NXPE2: variants seen among roughly 807,000 people sequenced by gnomAD.
The protein encoded by NXPE2 is neurexophilin and PC-esterase domain family member 2, also known as NXPE family member 2.
A neutral mutation model predicts 34.4 loss-of-function variants in NXPE2; 34 were observed. The observed-to-expected ratio is 0.99, with a 90% CI of 0.75 to 1.31. The LOEUF is 1.31. NXPE2 is among the 40% of genes most tolerant of loss of function. NXPE2 has a pLI of 0.00. For synonymous variants in NXPE2, 235 were observed against 231.3 expected, an observed-to-expected ratio of 1.02 and a Z score of -0.15; for missense variants, 649 against 672.5, an observed-to-expected ratio of 0.97 and a Z score of 0.39.
At position 114,698,668 on chromosome 11, in the gene NXPE2, C is replaced by A. The variant is rs770134909; in HGVS notation, c.756C>A (p.Ala252=). ...ACATGGATGACAGAGACCAAGAAGC[C>A]TTCTACTGTGTGAGGCCTCAACATA... The part of the protein sequence containing the change: ...CQYMDDRDQE[A]FYCVRPQHMP... Residue 252 remains alanine, a synonymous_variant, in exon 3 of 6, where the codon GCC becomes GCA. Transcript: ENST00000389586. The A allele has an allele frequency of 5.0e-6, 8 of 1,614,186 alleles. No individual in the cohort carries two copies. The South Asian group carries it at 8.8e-5, about 18-fold the overall frequency.
the NXPE2 span, among the ~76,000 whole-genome samples, chr11:114,528,314 C>T: frequency 6.6e-6 from 1 of 152,142 alleles, no homozygotes; most frequent in East Asian, 1.9e-4. Flanking sequence ...AATACGACTG[C>T]CAGAGCACCC....
the NXPE2 span, chr11:114,559,799 T>G: frequency 6.6e-6 from 1 of 152,372 alleles, no homozygotes; most frequent in Non-Finnish European, 1.5e-5. Context: ...CTTACTCACC[T>G]GTTTTAATGA....
At chr11:114,722,685 G>A in the NXPE2 span, among the ~76,000 whole-genome samples, 2 of 152,278 alleles carry the variant, frequency 1.3e-5, no homozygotes, top group African/African-American at 4.8e-5. Context: ...TGCCACTAAA[G>A]AGGCCAGCAG....
the NXPE2 span, among the ~76,000 whole-genome samples, chr11:114,775,400 C>T: frequency 1.3e-5 from 2 of 152,190 alleles, no homozygotes; most frequent in Non-Finnish European, 1.5e-5. Context: ...GGCAAGAGGA[C>T]AACACCTTTT....
At chr11:114,709,709 G>A (rs1285873374), downstream of NXPE2, among the ~76,000 whole-genome samples, 2 of 152,136 alleles carry the variant, frequency 1.3e-5, no homozygotes, top group South Asian at 4.2e-4. Context: ...TTTGAGACCA[G>A]CTTGGCCAAC....
chr11:114,571,610 G>T, the NXPE2 span: 13 of 821,102 alleles, frequency 1.6e-5, no homozygotes, highest in South Asian at 1.9e-4. Flanking sequence ...TTAGATGAGG[G>T]GATGTTTTTG....
the NXPE2 span, among the ~76,000 whole-genome samples, chr11:114,619,625 C>T: frequency 3.3e-5 from 5 of 152,002 alleles, no homozygotes; most frequent in South Asian, 2.1e-4. Context: ...TGTGTTGCCT[C>T]GTGGGTAACC....
At chr11:114,703,726 CAGATAGAT>C (rs71465300) in intron 3 of NXPE2, among the ~76,000 whole-genome samples, 17 of 151,290 alleles carry the variant, frequency 1.1e-4, no homozygotes, top group Non-Finnish European at 1.6e-4. Flanking sequence ...GACAGACAGA[CAGATAGAT>C]AGATAGATGT....
the NXPE2 span, among the ~76,000 whole-genome samples, chr11:114,558,634 A>G: frequency 4.6e-5 from 7 of 152,194 alleles, no homozygotes; most frequent in Admixed American, 4.6e-4. Flanking sequence ...ACATTCGTAT[A>G]TTTTCTAAAG....
At chr11:114,567,278 C>A in the NXPE2 span, among the ~76,000 whole-genome samples, 1 of 152,030 alleles carries the variant, frequency 6.6e-6, no homozygotes, top group Admixed American at 6.5e-5. Flanking sequence ...CCCATGCAGG[C>A]CCCCTGCACA....
chr11:114,465,367 T>C, the NXPE2 span, among the ~76,000 whole-genome samples: 1,008 of 152,268 alleles, frequency 6.6e-3, 13 homozygotes, highest in African/African-American at 0.021. Context: ...TTACAGACAA[T>C]TGTGCAAAAT....
At chr11:114,617,538 C>A in the NXPE2 span, among the ~76,000 whole-genome samples, 1 of 152,118 alleles carries the variant, frequency 6.6e-6, no homozygotes, top group South Asian at 2.1e-4. Flanking sequence ...TCGTGGCTAA[C>A]CACTGTTACC....
the NXPE2 span, among the ~76,000 whole-genome samples, chr11:114,491,154 G>A: frequency 2.3e-5 from 1 of 44,048 alleles, no homozygotes; most frequent in South Asian, 7.5e-4. Context: ...GGGCGACAGA[G>A]CGAGACTCCG....
At chr11:114,553,802 A>G in the NXPE2 span, 1 of 978,460 alleles carries the variant, frequency 1.0e-6, no homozygotes, top group Non-Finnish European at 1.2e-6. Context: ...GGCTTATGAA[A>G]GCCTATTCAT....
chr11:114,581,644 G>A, the NXPE2 span: 1 of 1,180,832 alleles, frequency 8.5e-7, no homozygotes, highest in Non-Finnish European at 1.2e-6. Flanking sequence ...GACTGAAACA[G>A]TGAACAAATC....
At chr11:114,533,257 C>G in the NXPE2 span, among the ~76,000 whole-genome samples, 2 of 152,138 alleles carry the variant, frequency 1.3e-5, no homozygotes, top group Non-Finnish European at 2.9e-5. Context: ...ACAAAACAAA[C>G]TCACAAACTC....
chr11:114,571,299 C>T, the NXPE2 span: 11 of 1,613,946 alleles, frequency 6.8e-6, no homozygotes, highest in Non-Finnish European at 9.3e-6. Context: ...ATTTTTTTCT[C>T]CTCCAGTTCT....
the NXPE2 span, among the ~76,000 whole-genome samples, chr11:114,723,302 TGAAGGAAATTAGAAGA>T: frequency 6.6e-6 from 1 of 150,822 alleles, no homozygotes; most frequent in African/African-American, 2.4e-5. Flanking sequence ...AAGGAAAGAG[TGAAGGAAATTAGAAGA>T]GAAGGGGAAA....
chr11:114,535,444 A>G, the NXPE2 span, among the ~76,000 whole-genome samples: 4 of 152,332 alleles, frequency 2.6e-5, no homozygotes, highest in African/African-American at 9.6e-5. Flanking sequence ...CTAACCATAA[A>G]TGTAAATGCG....
Sources: gnomAD v4.1 joint callset for allele counts (sites outside exome capture counted in the v4.1 genomes callset) on GRCh38, gnomAD v4.1.1 for gene constraint, MANE v1.5 for transcripts, NCBI Gene and HGNC (gene_info 2026-07-23, HGNC 2026-07-21) for gene names.